GAS7: variants seen among roughly 807,000 people sequenced by gnomAD.
The protein encoded by GAS7 is growth arrest-specific protein 7.
A neutral mutation model predicts 71.1 loss-of-function variants in GAS7; 28 were observed. The ratio of observed to expected loss-of-function variants is 0.39; its 90% CI spans 0.29 to 0.54. The LOEUF (loss-of-function observed/expected upper bound fraction) is 0.54, where lower values mean the gene tolerates loss of function less well. Among genes scored for constraint, GAS7 ranks in the 20% least tolerant of loss-of-function variants. GAS7 has a pLI of 0.62. For synonymous variants in GAS7, 258 were observed against 245.8 expected, an observed-to-expected ratio of 1.05 and a Z score of -0.46; for missense variants, 436 against 627.8, an observed-to-expected ratio of 0.69 and a Z score of 3.27.
At chr17:10,173,637 G>A (rs1465111690) in intron 1 of GAS7, among the ~76,000 whole-genome samples, 2 of 152,076 alleles carry the variant, frequency 1.3e-5, no homozygotes, top group South Asian at 2.1e-4. Context: ...GTGTGGCAGC[G>A]GGTGCCAGTA....
At chr17:10,087,628 G>A (rs1445081616) in intron 1 of GAS7, among the ~76,000 whole-genome samples, 2 of 152,284 alleles carry the variant, frequency 1.3e-5, no homozygotes, top group African/African-American at 4.8e-5. Context: ...AAGCGTCAGG[G>A]TTCCCCGAAC....
At chr17:9,973,399 G>A (rs891435675) in intron 3 of GAS7, among the ~76,000 whole-genome samples, 6 of 151,610 alleles carry the variant, frequency 4.0e-5, no homozygotes, top group East Asian at 1.9e-4. Flanking sequence ...GATTACAGGC[G>A]CCCGCCACCA....
At chr17:9,924,945 G>C (rs774161704) in intron 11 of GAS7, among the ~76,000 whole-genome samples, 5 of 152,222 alleles carry the variant, frequency 3.3e-5, no homozygotes, top group Non-Finnish European at 7.3e-5. Flanking sequence ...CTCATTGGGA[G>C]ACTATTCCCA....
In GAS7 at chr17:10,030,310, G is replaced by C. The variant is rs180700104; in HGVS notation, c.184-10413C>G. Among the ~76,000 whole-genome samples the C allele has an allele frequency of 2.2e-4, 34 of 152,346 alleles. No individual in the cohort carries two copies. In the East Asian group the frequency reaches 2.9e-3, roughly 13 times the overall value. ...TACTTTGTGGATGAAGGAAAAATCA[G>C]TAGGAACCCAGGGCTTTCCAAAGAC... is the stretch of plus-strand genomic sequence containing the variant. On this transcript the variant is annotated intron_variant, in intron 1 of 13. Transcript: ENST00000432992.
chr17:10,032,939 G>A (rs1353841642), intron 1 of GAS7, among the ~76,000 whole-genome samples: 2 of 152,160 alleles, frequency 1.3e-5, no homozygotes, highest in Non-Finnish European at 2.9e-5. Flanking sequence ...CACGGTATGC[G>A]ATAGTGCACA....
Position 9,981,960 on chromosome 17 carries a change from G to A in GAS7, c.305-76C>T. 1 of 833,990 alleles carries A rather than the reference G, an allele frequency of 1.2e-6. No individual in the cohort carries two copies. The highest frequency in any genetic ancestry group is 2.1e-6 in the Non-Finnish European group (1 of 476,454). The allele number at this position is 833,990 out of a possible 1,614,324, so 51.7% of individuals were successfully genotyped here. A position where few individuals can be genotyped will look rare whatever the true frequency, so the allele number is the denominator to read the frequency against. On this transcript the variant is annotated intron_variant, in intron 2 of 13. Coordinates refer to ENST00000432992, the MANE Select transcript of GAS7 (RefSeq NM_201433.2). The surrounding 1 kb of genome is among the most constrained non-coding windows in gnomAD (Gnocchi z 4.4). ...ACCTGAGTTTCACAGAGCAGAAGGA[G>A]ATGCTCAGAGCTGGAGAAAAAGAGA...
At chr17:10,041,174 A>AAAAG (rs1555528019) in intron 1 of GAS7, among the ~76,000 whole-genome samples, 1 of 151,130 alleles carries the variant, frequency 6.6e-6, no homozygotes, top group African/African-American at 2.5e-5. Context: ...AAAAAAAAAA[A>AAAAG]AAGAAGAAGG....
intron 3 of GAS7, among the ~76,000 whole-genome samples, chr17:9,972,495 CTGAT>C (rs1597584432): frequency 1.3e-5 from 2 of 152,162 alleles, no homozygotes; most frequent in East Asian, 1.9e-4. Flanking sequence ...CAGTTTAGGA[CTGAT>C]TAACAGACAA....
intron 1 of GAS7, among the ~76,000 whole-genome samples, chr17:10,131,568 G>C (rs1032993595): frequency 6.6e-5 from 10 of 152,202 alleles, no homozygotes; most frequent in Admixed American, 6.5e-4. Context: ...GTTGCAGTGA[G>C]CCAAGATCAC....
intron 1 of GAS7, among the ~76,000 whole-genome samples, chr17:10,085,778 T>C (rs2073513147): frequency 6.6e-6 from 1 of 152,108 alleles, no homozygotes; most frequent in South Asian, 2.1e-4. Flanking sequence ...TGACACATTT[T>C]AATTTAGTCC....
chr17:10,154,257 G>A (rs1327439046), intron 1 of GAS7, among the ~76,000 whole-genome samples: 1 of 152,136 alleles, frequency 6.6e-6, no homozygotes, highest in African/African-American at 2.4e-5. Flanking sequence ...CAGACAGTTT[G>A]GGAGGCCGAG....
intron 1 of GAS7, among the ~76,000 whole-genome samples, chr17:10,084,209 G>A (rs1200328507): frequency 6.6e-6 from 1 of 152,058 alleles, no homozygotes; most frequent in East Asian, 1.9e-4. Flanking sequence ...AAAAATATGG[G>A]TTATCAATGG....
intron 1 of GAS7, among the ~76,000 whole-genome samples, chr17:10,090,806 C>T (rs896376500): frequency 6.6e-6 from 1 of 152,114 alleles, no homozygotes; most frequent in African/African-American, 2.4e-5. Flanking sequence ...AGTCTCAAAA[C>T]GACGGGATGG....
chr17:9,954,968 T>C (rs1182132867), intron 5 of GAS7, among the ~76,000 whole-genome samples: 3 of 152,168 alleles, frequency 2.0e-5, no homozygotes, highest in Non-Finnish European at 4.4e-5. Flanking sequence ...GGAGCCTCGA[T>C]GTTTATTTGC....
intron 2 of GAS7, among the ~76,000 whole-genome samples, chr17:9,989,564 A>T (rs1192548224): frequency 6.6e-6 from 1 of 152,166 alleles, no homozygotes; most frequent in Non-Finnish European, 1.5e-5. Context: ...AAAATTTTCT[A>T]ATGGGATTGG....
chr17:10,180,587 T>C (rs2074407186), intron 1 of GAS7, among the ~76,000 whole-genome samples: 1 of 152,126 alleles, frequency 6.6e-6, no homozygotes, highest in Admixed American at 6.6e-5. Flanking sequence ...CACGAAATAA[T>C]AATGGTTTGC....
chr17:10,076,837 G>A (rs926278147), intron 1 of GAS7, among the ~76,000 whole-genome samples: 12 of 108,930 alleles, frequency 1.1e-4, no homozygotes, highest in East Asian at 2.2e-4. Flanking sequence ...AGAAAACAGC[G>A]CATATCACCA....
intron 1 of GAS7, among the ~76,000 whole-genome samples, chr17:10,067,634 T>C (rs1338290732): frequency 6.6e-6 from 1 of 152,198 alleles, no homozygotes; most frequent in East Asian, 1.9e-4. Context: ...CAATGCTGAA[T>C]ACCTGCCTGG....
At chr17:10,175,231 G>GAA (rs1336840387) in intron 1 of GAS7, among the ~76,000 whole-genome samples, 2 of 125,550 alleles carry the variant, frequency 1.6e-5, no homozygotes, top group East Asian at 4.5e-4. Context: ...AGAAAAATGG[G>GAA]ACAAGCAAAC....
Sources: gnomAD v4.1 joint callset for allele counts (sites outside exome capture counted in the v4.1 genomes callset) on GRCh38, gnomAD v4.1.1 for gene constraint, Gnocchi (gnomAD v3.1) non-coding constraint, MANE v1.5 for transcripts, NCBI Gene and HGNC (gene_info 2026-07-23, HGNC 2026-07-21) for gene names.